The following STK33 variants were observed in gnomAD, a reference collection of about 807,000 sequenced individuals.
STK33 encodes serine/threonine-protein kinase 33.
In STK33, 52 loss-of-function variants were observed where a neutral mutation model predicts 58.0. That is an observed-to-expected ratio of 0.90 (90% CI 0.72 to 1.13). The LOEUF (loss-of-function observed/expected upper bound fraction) is 1.13. STK33 is among the 50% of genes most tolerant of loss of function. The probability of loss-of-function intolerance (pLI) is 0.00; values close to 1 mark genes in which losing one functional copy is unlikely to be tolerated. For synonymous variants in STK33, 215 were observed against 200.1 expected (o/e 1.07, Z -0.63); for missense variants, 630 against 604.2 (o/e 1.04, Z -0.45).
the STK33 span, among the ~76,000 whole-genome samples, chr11:8,362,164 GC>G: frequency 6.6e-6 from 1 of 152,286 alleles, no homozygotes; most frequent in East Asian, 1.9e-4. Flanking sequence ...CGACTGAGGG[GC>G]TTTGAGAACA....
intron 1 of STK33, among the ~76,000 whole-genome samples, chr11:8,506,408 A>G (rs1027947944): frequency 1.3e-5 from 2 of 152,198 alleles, no homozygotes; most frequent in Non-Finnish European, 2.9e-5. Context: ...TCAGTGGCTT[A>G]AACAATACAA....
intron 11 of STK33, among the ~76,000 whole-genome samples, chr11:8,441,560 C>T (rs11041924): frequency 0.53 from 81,033 of 151,636 alleles, 21,849 homozygotes; most frequent in South Asian, 0.64. Context: ...TCTTGCTGTG[C>T]TGCTCAGGCT....
chr11:8,461,975 G>T, intron 7 of STK33, 66 bp from the exon 8 acceptor site: 1 of 1,238,808 alleles, frequency 8.1e-7, no homozygotes. Flanking sequence ...TGATAGAAAA[G>T]TTATTTTATG....
intron 14 of STK33, among the ~76,000 whole-genome samples, chr11:8,425,994 T>C (rs1564925557): frequency 6.6e-6 from 1 of 152,130 alleles, no homozygotes; most frequent in African/African-American, 2.4e-5. Context: ...GGGTGTTCTT[T>C]TAGTTTACCC....
chr11:8,560,946 C>G (rs899476259), intron 1 of STK33, among the ~76,000 whole-genome samples: 1 of 152,174 alleles, frequency 6.6e-6, no homozygotes, highest in Admixed American at 6.5e-5. Flanking sequence ...CTGACTCTCT[C>G]TCCACGAAGA....
intron 8 of STK33, among the ~76,000 whole-genome samples, chr11:8,459,353 G>A (rs1456483475): frequency 6.6e-6 from 1 of 152,042 alleles, no homozygotes; most frequent in East Asian, 1.9e-4. Flanking sequence ...GAGGCAGAGG[G>A]TGTCAGACCT....
chr11:8,513,929 C>A (rs1001591603), intron 1 of STK33, among the ~76,000 whole-genome samples: 3 of 152,038 alleles, frequency 2.0e-5, no homozygotes, highest in African/African-American at 7.2e-5. Flanking sequence ...ATTTTTTGTA[C>A]CAATTAACCA....
At chr11:8,536,845 G>A (rs570192242) in intron 1 of STK33, among the ~76,000 whole-genome samples, 1 of 145,264 alleles carries the variant, frequency 6.9e-6, no homozygotes, top group Non-Finnish European at 1.5e-5. Context: ...ATGGCATGAT[G>A]ATCATAGCTC....
intron 14 of STK33, among the ~76,000 whole-genome samples, chr11:8,432,981 A>G (rs1943595142): frequency 6.6e-6 from 1 of 152,254 alleles, no homozygotes; most frequent in African/African-American, 2.4e-5. Context: ...AGTATGTGCT[A>G]ATTAGAAAAC....
the STK33 span, among the ~76,000 whole-genome samples, chr11:8,372,868 A>G: frequency 6.6e-6 from 1 of 152,220 alleles, no homozygotes; most frequent in East Asian, 1.9e-4. Context: ...GCCACTGACC[A>G]GCCTCTCTGA....
Position 8,474,700 on chromosome 11 carries a change from A to T in STK33, c.206T>A (p.Ile69Lys). Residue 69 changes from isoleucine to lysine, a missense_variant, in exon 5 of 16, where the codon ATA becomes AAA. By Grantham distance (102) the Ile-to-Lys change is moderately radical. Coordinates refer to ENST00000687296, the MANE Select transcript of STK33 (RefSeq NM_001352389.2). ...ATTTACCAAATCTTTCCTGGAGGTT[A>T]TATCTCTGTTGATATTTTTTTCTTT... ...RKKEKNINRD[I>K]TSRKDLPSRT... The T allele has an allele frequency of 6.2e-7, 1 of 1,609,790 alleles. No homozygotes were observed. The highest frequency in any genetic ancestry group is 8.5e-7 in the Non-Finnish European group (1 of 1,178,606).
chr11:8,422,964 TA>T (rs1337364863), intron 14 of STK33, among the ~76,000 whole-genome samples: 2 of 150,926 alleles, frequency 1.3e-5, no homozygotes, highest in Non-Finnish European at 3.0e-5. Flanking sequence ...TAGCTGGGAC[TA>T]CTACTAAAAC....
At chr11:8,546,526 C>CA (rs1409887497) in intron 1 of STK33, among the ~76,000 whole-genome samples, 11 of 152,130 alleles carry the variant, frequency 7.2e-5, no homozygotes, top group Admixed American at 7.2e-4. Context: ...TGCTATCAAA[C>CA]ACTAGAACTT....
intron 1 of STK33, among the ~76,000 whole-genome samples, chr11:8,485,071 T>C (rs1241732801): frequency 6.6e-6 from 1 of 152,210 alleles, no homozygotes; most frequent in African/African-American, 2.4e-5. Context: ...TTGTTTTCCT[T>C]TATTTCCTAA....
chr11:8,434,717 G>T (rs1331320887), intron 14 of STK33, among the ~76,000 whole-genome samples: 1 of 152,076 alleles, frequency 6.6e-6, no homozygotes, highest in Non-Finnish European at 1.5e-5. Flanking sequence ...GCATCTACCA[G>T]GAAAGAGGAA....
intron 8 of STK33, among the ~76,000 whole-genome samples, chr11:8,461,166 G>A (rs1214174774): frequency 6.6e-6 from 1 of 152,104 alleles, no homozygotes; most frequent in Non-Finnish European, 1.5e-5. Context: ...AAATGCACAG[G>A]CAATATGATT....
the STK33 span, among the ~76,000 whole-genome samples, chr11:8,351,414 G>A: frequency 4.7e-4 from 72 of 152,322 alleles, no homozygotes; most frequent in African/African-American, 1.7e-3. Flanking sequence ...GGACCCGGTG[G>A]CCATCAGCCT....
chr11:8,438,515 T>C (rs189355781), intron 12 of STK33, among the ~76,000 whole-genome samples: 5 of 152,272 alleles, frequency 3.3e-5, no homozygotes, highest in Admixed American at 2.0e-4. Flanking sequence ...TATAACACCA[T>C]TGGGCTCAGA....
chr11:8,499,262 G>A (rs751897296), intron 1 of STK33, among the ~76,000 whole-genome samples: 49 of 152,062 alleles, frequency 3.2e-4, no homozygotes, highest in Non-Finnish European at 4.9e-4. Context: ...AAGTGGGCAA[G>A]GGATATGAAC....
Sources: allele counts gnomAD v4.1 joint callset (sites outside exome capture counted in the v4.1 genomes callset), GRCh38; gene constraint gnomAD v4.1.1; transcripts MANE v1.5; gene names NCBI Gene and HGNC (gene_info 2026-07-23, HGNC 2026-07-21).